TENM2: variants seen among roughly 807,000 people sequenced by gnomAD.
TENM2 encodes the protein teneurin transmembrane protein 2, also known as teneurin-2.
A neutral mutation model predicts 245.2 loss-of-function variants in TENM2; 52 were observed. That is an observed-to-expected ratio of 0.21 (90% CI 0.17 to 0.27). The LOEUF (loss-of-function observed/expected upper bound fraction) is 0.27. Among genes scored for constraint, TENM2 ranks in the 10% least tolerant of loss-of-function variants. The pLI is 1.00. For synonymous variants in TENM2, 1,363 were observed against 1,438.9 expected (o/e 0.95, Z 1.19); for missense variants, 3,046 against 3,666.8 (o/e 0.83, Z 4.37).
At chr5:167,429,936 A>G (rs1342787644) in intron 2 of TENM2, among the ~76,000 whole-genome samples, 1 of 152,134 alleles carries the variant, frequency 6.6e-6, no homozygotes, top group Non-Finnish European at 1.5e-5. Flanking sequence ...ACTTACAAAA[A>G]GGAGATAGCC....
At chr5:167,767,965 G>T (rs1019214370) in intron 2 of TENM2, among the ~76,000 whole-genome samples, 1 of 152,148 alleles carries the variant, frequency 6.6e-6, no homozygotes, top group South Asian at 2.1e-4. Context: ...GTGAATATTT[G>T]CCTGAACTGT....
At chr5:167,747,710 C>G (rs1761690042) in intron 2 of TENM2, among the ~76,000 whole-genome samples, 1 of 152,086 alleles carries the variant, frequency 6.6e-6, no homozygotes, top group African/African-American at 2.4e-5. Flanking sequence ...TGTTACTTGC[C>G]ATAAATTTGG....
At chr5:167,108,836 G>A in the TENM2 span, among the ~76,000 whole-genome samples, 2 of 152,076 alleles carry the variant, frequency 1.3e-5, no homozygotes, top group Non-Finnish European at 2.9e-5. Context: ...TTTCAGTGAA[G>A]GCCTGAATAA....
At chr5:167,112,189 T>C in the TENM2 span, among the ~76,000 whole-genome samples, 232 of 152,292 alleles carry the variant, frequency 1.5e-3, no homozygotes, top group African/African-American at 5.4e-3. Context: ...GATGAGCCAA[T>C]GTACCCAAAA....
chr5:168,057,432 T>C (rs112685868), intron 6 of TENM2, among the ~76,000 whole-genome samples: 6 of 152,200 alleles, frequency 3.9e-5, no homozygotes, highest in African/African-American at 1.4e-4. Context: ...ATTTAAGATA[T>C]CTTTGGGTCT....
intron 2 of TENM2, among the ~76,000 whole-genome samples, chr5:167,829,386 A>C (rs1224170635): frequency 2.0e-5 from 3 of 152,196 alleles, no homozygotes; most frequent in African/African-American, 7.2e-5. Context: ...GGAGACATGA[A>C]CCACACACTG....
rs556875553 is a variant in TENM2, at chr5:167,683,176, T to C, written c.503-192810T>C. 6.6e-5 allele frequency among the ~76,000 whole-genome samples: 10 copies of C among 152,272 alleles called. No homozygotes were observed. In the South Asian group the frequency reaches 2.1e-3, roughly 32 times the overall value. On this transcript the variant is annotated intron_variant, in intron 2 of 28. Coordinates refer to ENST00000518659, the Ensembl canonical transcript of TENM2. The stretch of plus-strand genomic sequence containing the variant: ...TCACAGCAATTATAATCTGTATTAA[T>C]TGTGTACATTTGTTTGAGTTAGAGA...
the TENM2 span, among the ~76,000 whole-genome samples, chr5:167,146,910 A>G: frequency 6.6e-6 from 1 of 152,186 alleles, no homozygotes; most frequent in East Asian, 1.9e-4. Flanking sequence ...TAGAAAATAT[A>G]GAGTATTATT....
At chr5:167,260,472 T>TG in the TENM2 span, among the ~76,000 whole-genome samples, 1 of 152,210 alleles carries the variant, frequency 6.6e-6, no homozygotes, top group Non-Finnish European at 1.5e-5. Flanking sequence ...TCTAGGTCTG[T>TG]GTAACAAACT....
At chr5:168,076,734 G>C (rs558659227) in intron 7 of TENM2, among the ~76,000 whole-genome samples, 149 of 152,292 alleles carry the variant, frequency 9.8e-4, no homozygotes, top group Non-Finnish European at 1.9e-3. Context: ...AACATAACAA[G>C]CTTGAGAGCC....
At chr5:167,363,805 G>A (rs1330626978) in intron 1 of TENM2, among the ~76,000 whole-genome samples, 2 of 150,512 alleles carry the variant, frequency 1.3e-5, no homozygotes, top group Admixed American at 6.6e-5. Flanking sequence ...GTGTGAGCAA[G>A]TCCATAAATA....
chr5:167,599,552 G>T (rs765437762), intron 2 of TENM2, among the ~76,000 whole-genome samples: 1 of 152,084 alleles, frequency 6.6e-6, no homozygotes. Flanking sequence ...GGCGGTCCCC[G>T]TGGCAAAACT....
intron 12 of TENM2, among the ~76,000 whole-genome samples, chr5:168,133,304 T>G (rs1316242394): frequency 6.6e-6 from 1 of 152,226 alleles, no homozygotes; most frequent in East Asian, 1.9e-4. Context: ...GTAGTGATAT[T>G]AGGCCTGAGT....
chr5:168,236,969 TA>T lies in TENM2; in HGVS notation c.5521-7450del, dbSNP rs1765524892. 2.5e-3 allele frequency among the ~76,000 whole-genome samples: 18 copies of T among 7,160 alleles called. 3 individuals are homozygous for T. Among genetic ancestry groups the T allele is most frequent in the Non-Finnish European group, 2.7e-3 (11 of 4,028 alleles). The allele number at this position is 7,160 out of a possible 152,430, so 4.7% of individuals were successfully genotyped here. ...ATATATATATATATATATATATATA[TA>T]TATATATATATATATATATATATAT... is the stretch of plus-strand genomic sequence containing the variant. On this transcript the variant is annotated intron_variant, in intron 25 of 28. Transcript: ENST00000518659.
intron 2 of TENM2, among the ~76,000 whole-genome samples, chr5:167,434,301 C>G (rs374748457): frequency 6.7e-6 from 1 of 149,646 alleles, no homozygotes; most frequent in South Asian, 2.1e-4. Flanking sequence ...GGTGCCCGTA[C>G]TACTCAGGAG....
At chr5:168,029,976 A>G (rs541079939) in intron 5 of TENM2, among the ~76,000 whole-genome samples, 1 of 152,144 alleles carries the variant, frequency 6.6e-6, no homozygotes, top group Non-Finnish European at 1.5e-5. Context: ...CTCTGATGTG[A>G]TGGGAAAGCA....
intron 2 of TENM2, among the ~76,000 whole-genome samples, chr5:167,495,005 A>T (rs1165472742): frequency 6.6e-6 from 1 of 152,110 alleles, no homozygotes; most frequent in Non-Finnish European, 1.5e-5. Context: ...TATTTAGATG[A>T]TATACAATCT....
chr5:167,266,709 C>T, the TENM2 span, among the ~76,000 whole-genome samples: 1 of 151,992 alleles, frequency 6.6e-6, no homozygotes, highest in Admixed American at 6.6e-5. Context: ...GTTGCTGTGC[C>T]GTTTAAAGAG....
At chr5:168,106,512 G>A (rs949231897) in intron 9 of TENM2, among the ~76,000 whole-genome samples, 2 of 152,166 alleles carry the variant, frequency 1.3e-5, no homozygotes, top group African/African-American at 2.4e-5. Context: ...GGCACACAGA[G>A]TTTAAGTAAC....
Sources: allele counts gnomAD v4.1 joint callset (sites outside exome capture counted in the v4.1 genomes callset), GRCh38; gene constraint gnomAD v4.1.1; transcripts MANE v1.5; gene names NCBI Gene and HGNC (gene_info 2026-07-23, HGNC 2026-07-21).